Variants in KCNQ5 observed in about 807,000 individuals in gnomAD.
KCNQ5 encodes potassium voltage-gated channel subfamily KQT member 5.
A neutral mutation model predicts 98.2 loss-of-function variants in KCNQ5; 30 were observed. The observed-to-expected ratio is 0.31, with a 90% CI of 0.23 to 0.41. The LOEUF is 0.41. Ranked by LOEUF, KCNQ5 falls within the 10% of genes least tolerant of loss-of-function variation. The pLI, the probability that KCNQ5 is intolerant of heterozygous loss-of-function variation, is 1.00. For missense variants in KCNQ5, 835 were observed against 1,182.5 expected (o/e 0.71, Z 4.31); for synonymous variants, 458 against 449.4 (o/e 1.02, Z -0.24).
chr6:73,063,721 T>TGATAGATAGATAGATA lies in KCNQ5; in HGVS notation c.617-13572_617-13557dup, dbSNP rs11388162. 9.4e-4 allele frequency among the ~76,000 whole-genome samples: 90 copies of TGATAGATAGATAGATA among 96,086 alleles called. 1 individual carries two copies. The highest frequency in any genetic ancestry group is 1.7e-3 in the East Asian group (6 of 3,452). 63.0% of individuals were successfully genotyped at this position (96,086 alleles called of 152,430 possible). A position where few individuals can be genotyped will look rare whatever the true frequency, so the allele number is the denominator to read the frequency against. ...ATAGATAGATAGATAGATAGATAGATGATAGATAGATAGATAGATAGATAG... is the reference window on the plus strand; with the variant it reads ...ATAGATAGATAGATAGATAGATAGATGATAGATAGATAGATAGATAGATAGATAGATAGATAGATAG... On this transcript the variant is annotated intron_variant, in intron 3 of 13. Coordinates refer to ENST00000370398, the MANE Select transcript of KCNQ5 (RefSeq NM_019842.4).
intron 10 of KCNQ5, among the ~76,000 whole-genome samples, chr6:73,152,206 G>GT (rs374696817): frequency 1.3e-3 from 186 of 148,732 alleles, no homozygotes; most frequent in Middle Eastern, 3.4e-3. Flanking sequence ...ATCTTATTGG[G>GT]TTTTTTTTTT....
At chr6:72,633,429 T>C (rs2098922181) in intron 1 of KCNQ5, among the ~76,000 whole-genome samples, 1 of 152,240 alleles carries the variant, frequency 6.6e-6, no homozygotes. Context: ...TCCATGCTCA[T>C]GGATTGGAAG....
At chr6:72,722,558 T>C (rs1374761936) in intron 1 of KCNQ5, among the ~76,000 whole-genome samples, 1 of 152,176 alleles carries the variant, frequency 6.6e-6, no homozygotes, top group Non-Finnish European at 1.5e-5. Context: ...ATAAATCGCA[T>C]CAGATGGTGA....
intron 1 of KCNQ5, among the ~76,000 whole-genome samples, chr6:72,671,106 A>AT (rs1406038431): frequency 2.6e-5 from 4 of 152,140 alleles, no homozygotes; most frequent in Admixed American, 6.5e-5. Context: ...TTCTACCAAC[A>AT]TTCAGTTCAC....
chr6:73,186,822 A>C (rs1402787387), intron 11 of KCNQ5, among the ~76,000 whole-genome samples: 1 of 152,138 alleles, frequency 6.6e-6, no homozygotes, highest in African/African-American at 2.4e-5. Flanking sequence ...TTTAAGTTCT[A>C]GGGTACATGT....
chr6:73,043,335 A>G (rs1289497411), intron 3 of KCNQ5: 1 of 175,892 alleles, frequency 5.7e-6, no homozygotes, highest in Non-Finnish European at 1.3e-5. Flanking sequence ...ATCTTAAAAT[A>G]CCTTGTTTGG....
At chr6:72,972,142 A>G (rs1279018841) in intron 1 of KCNQ5, among the ~76,000 whole-genome samples, 1 of 152,128 alleles carries the variant, frequency 6.6e-6, no homozygotes, top group East Asian at 1.9e-4. Context: ...CCTAACCAAC[A>G]AGTGCCTCAG....
At chr6:72,854,389 T>C (rs1282043502) in intron 1 of KCNQ5, among the ~76,000 whole-genome samples, 1 of 152,038 alleles carries the variant, frequency 6.6e-6, no homozygotes, top group Admixed American at 6.6e-5. Flanking sequence ...CAGAGTATTA[T>C]CTGTGATCGC....
chr6:73,067,306 C>T (rs182021355), intron 3 of KCNQ5, among the ~76,000 whole-genome samples: 43 of 152,166 alleles, frequency 2.8e-4, no homozygotes, highest in Non-Finnish European at 4.4e-4. Context: ...GATTCTTGGA[C>T]TTTCTTAGTA....
intron 3 of KCNQ5, among the ~76,000 whole-genome samples, chr6:73,063,690 A>AGATAGATAGATAGAT (rs1582283797): frequency 1.7e-4 from 14 of 80,326 alleles, no homozygotes; most frequent in East Asian, 8.0e-4. Flanking sequence ...GATAGATGAT[A>AGATAGATAGATAGAT]GATAGATAGA....
intron 2 of KCNQ5, among the ~76,000 whole-genome samples, chr6:73,038,758 A>AT (rs1468097538): frequency 1.3e-5 from 2 of 151,632 alleles, no homozygotes; most frequent in Non-Finnish European, 2.9e-5. Flanking sequence ...TTTGCTGAGG[A>AT]TTTTTTGTGT....
At chr6:72,639,604 C>G (rs563091016) in intron 1 of KCNQ5, among the ~76,000 whole-genome samples, 2 of 151,968 alleles carry the variant, frequency 1.3e-5, no homozygotes, top group Non-Finnish European at 2.9e-5. Context: ...TAGAGAGCCT[C>G]GAATGAAACC....
chr6:72,978,426 T>G (rs1479344344), intron 1 of KCNQ5, among the ~76,000 whole-genome samples: 1 of 152,250 alleles, frequency 6.6e-6, no homozygotes, highest in Non-Finnish European at 1.5e-5. Context: ...CCTTTTCAAC[T>G]GCTATCAAGA....
At chr6:73,129,831 A>T in intron 9 of KCNQ5, 1 of 1,613,050 alleles carries the variant, frequency 6.2e-7, no homozygotes, top group Non-Finnish European at 8.5e-7. Flanking sequence ...TTCAGAATGT[A>T]CACCTCACGG....
At chr6:72,924,814 G>A (rs778202689) in intron 1 of KCNQ5, among the ~76,000 whole-genome samples, 7 of 152,128 alleles carry the variant, frequency 4.6e-5, no homozygotes, top group Admixed American at 1.3e-4. Context: ...GGTCACATAC[G>A]TGAGGAGTGA....
intron 1 of KCNQ5, among the ~76,000 whole-genome samples, chr6:72,681,289 AATG>A (rs1246471168): frequency 1.3e-5 from 2 of 152,184 alleles, no homozygotes; most frequent in African/African-American, 4.8e-5. Flanking sequence ...TAACAATAAC[AATG>A]ATGATAAGAG....
intron 1 of KCNQ5, among the ~76,000 whole-genome samples, chr6:72,860,835 G>A (rs982049100): frequency 2.5e-5 from 3 of 122,360 alleles, no homozygotes; most frequent in Admixed American, 1.7e-4. Context: ...TCCTTTTAAG[G>A]CATGTGTGTG....
chr6:72,972,092 C>T (rs150096929), intron 1 of KCNQ5, among the ~76,000 whole-genome samples: 29 of 152,230 alleles, frequency 1.9e-4, no homozygotes, highest in African/African-American at 6.3e-4. Context: ...GGGTCAAAGG[C>T]TGTATTGCCT....
intron 5 of KCNQ5, among the ~76,000 whole-genome samples, chr6:73,095,051 A>C (rs1359525218): frequency 6.6e-6 from 1 of 152,214 alleles, no homozygotes; most frequent in East Asian, 1.9e-4. Context: ...TTCCTCAAGA[A>C]CACTGATTAT....
Sources: gnomAD v4.1 joint callset for allele counts (sites outside exome capture counted in the v4.1 genomes callset) on GRCh38, gnomAD v4.1.1 for gene constraint, MANE v1.5 for transcripts, NCBI Gene and HGNC (gene_info 2026-07-23, HGNC 2026-07-21) for gene names.